Variants in VPS4B observed in about 807,000 individuals in gnomAD.
The protein encoded by VPS4B is vacuolar protein sorting 4 homolog B.
Under a neutral mutation model 56.1 loss-of-function variants are expected in VPS4B, and 23 were observed. The ratio of observed to expected loss-of-function variants is 0.41; its 90% CI spans 0.30 to 0.58. The LOEUF (loss-of-function observed/expected upper bound fraction) is 0.58, where lower values mean the gene tolerates loss of function less well. Among genes scored for constraint, VPS4B ranks in the 20% least tolerant of loss-of-function variants. VPS4B has a pLI of 0.29. For synonymous variants in VPS4B, 177 were observed against 186.0 expected (o/e 0.95, Z 0.39); for missense variants, 372 against 531.9 (o/e 0.70, Z 2.96).
At chr18:63,409,409 T>C (rs1337452831) in intron 3 of VPS4B, among the ~76,000 whole-genome samples, 1 of 152,182 alleles carries the variant, frequency 6.6e-6, no homozygotes, top group Non-Finnish European at 1.5e-5. Context: ...CTGCATACCA[T>C]GAACAATGAG....
chr18:63,401,058 C>T (rs975890378), intron 5 of VPS4B, among the ~76,000 whole-genome samples: 5 of 152,184 alleles, frequency 3.3e-5, no homozygotes, highest in Non-Finnish European at 5.9e-5. Context: ...TGATCATCTA[C>T]TGTGTACACT....
chr18:63,398,204 C>CACACATATATATATATATATATATATAT (rs1298374245), intron 8 of VPS4B, among the ~76,000 whole-genome samples: 22 of 112,452 alleles, frequency 2.0e-4, no homozygotes, highest in African/African-American at 6.5e-4. Context: ...CACACACACA[C>CACACATATATATATATATATATATATAT]ATATATATAT....
At position 63,391,074 on chromosome 18, in the gene VPS4B, C is replaced by T. The variant is rs374729364; in HGVS notation, c.1236G>A (p.Ser412=). ...DKLLEPVVSM[S]DMLRSLSNTK... ...TGTTAGATAGTGACCGCAACATATCCGACTGTCAGGGAAAAAGAAGGGTAG... is the reference window on the plus strand; with the variant it reads ...TGTTAGATAGTGACCGCAACATATCTGACTGTCAGGGAAAAAGAAGGGTAG... The change falls in exon 11 of 11, where the codon TCG becomes TCA. Residue 412 remains serine (S), a splice_region_variant and synonymous_variant. Coordinates refer to ENST00000238497, the MANE Select transcript of VPS4B (RefSeq NM_004869.4). The T allele has an allele frequency of 2.1e-5, 34 of 1,605,192 alleles. No individual in the cohort carries two copies. In the African/African-American group the frequency reaches 2.5e-4, roughly 12 times the overall value.
intron 2 of VPS4B, 128 bp from the exon 3 acceptor site, chr18:63,410,574 AC>A: frequency 8.2e-7 from 1 of 1,223,242 alleles, no homozygotes; most frequent in Non-Finnish European, 1.1e-6. Flanking sequence ...ATCATCTCTA[AC>A]TCATCATAGC....
intron 4 of VPS4B, 110 bp downstream of exon 4, chr18:63,407,322 T>C: frequency 1.0e-6 from 1 of 975,534 alleles, no homozygotes; most frequent in Non-Finnish European, 1.5e-6. Flanking sequence ...CCAAAGCCAG[T>C]TCTTAAACTT....
At chr18:63,410,194 T>C in intron 3 of VPS4B, 96 bp downstream of exon 3, 1 of 1,510,314 alleles carries the variant, frequency 6.6e-7, no homozygotes, top group Non-Finnish European at 8.9e-7. Flanking sequence ...CTTTGGCCCA[T>C]GAGCCATAGT....
chr18:63,422,140 G>A, intron 1 of VPS4B, 93 bp downstream of exon 1: 4 of 1,330,552 alleles, frequency 3.0e-6, no homozygotes, highest in East Asian at 3.1e-5. Context: ...CCACAGGCGC[G>A]GCCGCTTCCT....
At chr18:63,416,775 ACCCTTCCACCTAGAATGCTCTT>A (rs761452070) in intron 1 of VPS4B, among the ~76,000 whole-genome samples, 18 of 152,114 alleles carry the variant, frequency 1.2e-4, no homozygotes, top group Non-Finnish European at 2.4e-4. Flanking sequence ...AAGCAGTTGA[ACCCTTCCACCTAGAATGCTCTT>A]CCCTCCTTTC....
At chr18:63,393,205 G>C (rs191832463) in intron 10 of VPS4B, among the ~76,000 whole-genome samples, 16 of 151,958 alleles carry the variant, frequency 1.1e-4, no homozygotes, top group South Asian at 2.1e-4. Context: ...TCACTTAAAG[G>C]TTCCTCTAAA....
chr18:63,399,875 C>T (rs1456456447), intron 7 of VPS4B, among the ~76,000 whole-genome samples, 173 bp downstream of exon 7: 1 of 151,896 alleles, frequency 6.6e-6, no homozygotes, highest in African/African-American at 2.4e-5. Flanking sequence ...TTAAATTAGC[C>T]GGGCATGGTG....
At chr18:63,421,845 G>A (rs187104081) in intron 1 of VPS4B, among the ~76,000 whole-genome samples, 87 of 152,320 alleles carry the variant, frequency 5.7e-4, no homozygotes, top group Non-Finnish European at 6.8e-4. Context: ...GGGGTCTGCT[G>A]TCAGCTTGAG....
chr18:63,398,550 A>C (rs1275432031), intron 8 of VPS4B, among the ~76,000 whole-genome samples: 1 of 151,992 alleles, frequency 6.6e-6, no homozygotes, highest in Non-Finnish European at 1.5e-5. Context: ...AAAAAAAAAA[A>C]ATCTTGGCTG....
At chr18:63,400,019 A>G (rs1286047482) in intron 7 of VPS4B, 29 bp downstream of exon 7, 7 of 1,591,604 alleles carry the variant, frequency 4.4e-6, no homozygotes, top group Non-Finnish European at 5.1e-6. Flanking sequence ...ACTCCGTCTC[A>G]AAAAGAAAAA....
Position 63,422,291 on chromosome 18 carries a change from G to T in VPS4B, c.-32C>A. 6.7e-7 allele frequency: 1 copy of T among 1,483,586 alleles called. No individual in the cohort carries two copies. The highest frequency in any genetic ancestry group is 2.7e-5 in the East Asian group (1 of 36,810). 91.9% of individuals were successfully genotyped at this position (1,483,586 alleles called of 1,614,324 possible). A position where few individuals can be genotyped will look rare whatever the true frequency, so the allele number is the denominator to read the frequency against. The stretch of plus-strand genomic sequence containing the variant: ...GTTCCCAGGCGGTTCCCAAGGGAAC[G>T]AGGGGCGAGGAGAGCCAACAGCAGC... On this transcript the variant is annotated 5_prime_UTR_variant, in exon 1 of 11. Transcript: ENST00000238497.
At chr18:63,418,377 G>A (rs946885447) in intron 1 of VPS4B, among the ~76,000 whole-genome samples, 2 of 151,484 alleles carry the variant, frequency 1.3e-5, no homozygotes, top group African/African-American at 4.9e-5. Context: ...GTGTCTCCTT[G>A]CCTGGCTGTC....
At chr18:63,398,111 GAA>G (rs1409847503) in intron 8 of VPS4B, among the ~76,000 whole-genome samples, 1 of 151,712 alleles carries the variant, frequency 6.6e-6, no homozygotes, top group African/African-American at 2.4e-5. Context: ...TCCTAGAACT[GAA>G]GTTTCATTTT....
At chr18:63,417,691 C>T (rs977336008) in intron 1 of VPS4B, among the ~76,000 whole-genome samples, 3 of 151,802 alleles carry the variant, frequency 2.0e-5, no homozygotes, top group Non-Finnish European at 2.9e-5. Flanking sequence ...ATTTATTGGC[C>T]TCTCTCTTCT....
rs561663511 is a variant in VPS4B at position 63,403,625 on chromosome 18, G to A, written c.484+82C>T. 2.3e-5 allele frequency: 31 copies of A among 1,359,840 alleles called. No individual in the cohort carries two copies. In the South Asian group the frequency reaches 3.5e-4, roughly 15 times the overall value. The allele number at this position is 1,359,840 out of a possible 1,614,324, so 84.2% of individuals were successfully genotyped here. On this transcript the variant is annotated intron_variant, in intron 5 of 10. Transcript: ENST00000238497. ...AATTTATTTAAGATAATTCATTAGT[G>A]ACAAGAATGACAATGCTTCACCTCA...
chr18:63,410,818 G>A (rs1200840134), intron 2 of VPS4B, among the ~76,000 whole-genome samples: 2 of 152,186 alleles, frequency 1.3e-5, no homozygotes, highest in Non-Finnish European at 2.9e-5. Flanking sequence ...TAGAAGGAAA[G>A]CAGTATTAAT....
Sources: allele counts gnomAD v4.1 joint callset (sites outside exome capture counted in the v4.1 genomes callset), GRCh38; gene constraint gnomAD v4.1.1; transcripts MANE v1.5; gene names NCBI Gene and HGNC (gene_info 2026-07-23, HGNC 2026-07-21).